SNW1: variants seen among roughly 807,000 people sequenced by gnomAD.
SNW1 encodes the protein SNW domain containing 1, also known as SNW domain-containing protein 1.
SNW1 carries 9 observed loss-of-function variants against 75.6 expected under a neutral mutation model. The ratio of observed to expected loss-of-function variants is 0.12; its 90% CI spans 0.07 to 0.21. SNW1 has a LOEUF of 0.21. Among genes scored for constraint, SNW1 ranks in the 10% least tolerant of loss-of-function variants. The pLI is 1.00. For missense variants in SNW1, 409 were observed against 670.9 expected (o/e 0.61, Z 4.31); for synonymous variants, 200 against 219.1 (o/e 0.91, Z 0.77).
intron 3 of SNW1, among the ~76,000 whole-genome samples, chr14:77,739,924 G>A (rs1430218315): frequency 1.3e-5 from 2 of 151,934 alleles, no homozygotes; most frequent in East Asian, 1.9e-4. Context: ...CATGTGGTCA[G>A]GAGATCGAAA....
chr14:77,740,710 C>G (rs2080711456), intron 3 of SNW1, among the ~76,000 whole-genome samples: 1 of 152,140 alleles, frequency 6.6e-6, no homozygotes, highest in Admixed American at 6.6e-5. Flanking sequence ...CCCACCCAAT[C>G]ATTTGCTCCA....
At chr14:77,722,721 C>CTAATTTAT (rs2080551732) in intron 11 of SNW1, 1 of 359,506 alleles carries the variant, frequency 2.8e-6, no homozygotes, top group African/African-American at 2.1e-5. Flanking sequence ...AAATTAAGTG[C>CTAATTTAT]TAATTTATTA....
intron 12 of SNW1, among the ~76,000 whole-genome samples, chr14:77,718,808 TCCAGTGATCCTCCTGCCTCCGCCTC>T (rs1336721547): frequency 5.3e-5 from 8 of 152,214 alleles, no homozygotes; most frequent in African/African-American, 1.9e-4. Context: ...GCCTCCCAGT[TCCAGTGATCCTCCTGCCTCCGCCTC>T]CCAGGTAGCT....
At chr14:77,760,698 C>G in intron 1 of SNW1, 2 of 702,378 alleles carry the variant, frequency 2.8e-6, no homozygotes, top group Non-Finnish European at 5.2e-6. Flanking sequence ...AGGAGAGAGA[C>G]CACCACAGGC....
chr14:77,732,319 G>A (rs955226263), intron 9 of SNW1, among the ~76,000 whole-genome samples, 166 bp downstream of exon 9: 4 of 152,206 alleles, frequency 2.6e-5, no homozygotes, highest in Non-Finnish European at 4.4e-5. Flanking sequence ...CAAAAGCTGG[G>A]AGCATGCAGA....
intron 1 of SNW1, among the ~76,000 whole-genome samples, chr14:77,758,047 C>T (rs1019743542): frequency 3.7e-4 from 56 of 151,074 alleles, no homozygotes; most frequent in Non-Finnish European, 5.9e-4. Flanking sequence ...ACAATTTTTC[C>T]GGCTGGGCGA....
chr14:77,733,643 GCTGAGGTGGGAGGATCGC>G (rs2080644705), intron 8 of SNW1, among the ~76,000 whole-genome samples: 2 of 149,792 alleles, frequency 1.3e-5, no homozygotes, highest in Admixed American at 1.3e-4. Flanking sequence ...TACTCGGGAG[GCTGAGGTGGGAGGATCGC>G]CTGAGCCTGG....
chr14:77,752,499 C>G lies in SNW1; in HGVS notation c.169-1019G>C, dbSNP rs115714883. 8.3e-3 allele frequency among the ~76,000 whole-genome samples: 1,269 copies of G among 152,264 alleles called. 12 individuals are homozygous for G. Among genetic ancestry groups the G allele is most frequent in the African/African-American group, 0.029 (1,212 of 41,568 alleles). On this transcript the variant is annotated intron_variant, in intron 2 of 13. Coordinates refer to ENST00000261531, the MANE Select transcript of SNW1 (RefSeq NM_012245.3). ...AACATGATTCACACATGTATTATCTCATTTAATCCTTGTAACTCTTTAACA... is the reference window on the plus strand; with the variant it reads ...AACATGATTCACACATGTATTATCTGATTTAATCCTTGTAACTCTTTAACA...
intron 1 of SNW1, 106 bp from the exon 2 acceptor site, chr14:77,755,226 T>C: frequency 9.9e-7 from 1 of 1,009,040 alleles, no homozygotes; most frequent in Non-Finnish European, 1.4e-6. Flanking sequence ...GCTTTTACTT[T>C]TCAGAAAAAG....
chr14:77,760,023 A>T (rs557704750), intron 1 of SNW1, among the ~76,000 whole-genome samples: 2 of 152,114 alleles, frequency 1.3e-5, no homozygotes, highest in African/African-American at 4.8e-5. Flanking sequence ...TCCAGCCCAC[A>T]TAACTTATTC....
intron 10 of SNW1, among the ~76,000 whole-genome samples, chr14:77,726,678 G>T (rs2080587984): frequency 6.6e-6 from 1 of 152,076 alleles, no homozygotes; most frequent in South Asian, 2.1e-4. Context: ...GCCAGGCGTG[G>T]TGGTGTGCGC....
Position 77,747,485 on chromosome 14 carries a change from C to T in SNW1, c.330+3834G>A, listed in dbSNP as rs563777022. On this transcript the variant is annotated intron_variant, in intron 3 of 13. Coordinates refer to ENST00000261531, the MANE Select transcript of SNW1 (RefSeq NM_012245.3). ...CTAGGAAGTGAGGAGCGTCTCTGCC[C>T]GGCCGCCCATCGTCTGAGATGTGGT... Among the ~76,000 whole-genome samples the T allele has an allele frequency of 5.3e-5, 8 of 150,494 alleles. No homozygotes were observed. The South Asian group carries it at 6.4e-4, about 12-fold the overall frequency.
At chr14:77,739,930 CGAAACCATACTAGCTAACATGGT>C (rs1566831779) in intron 3 of SNW1, among the ~76,000 whole-genome samples, 1 of 151,550 alleles carries the variant, frequency 6.6e-6, no homozygotes, top group East Asian at 1.9e-4. Context: ...GTCAGGAGAT[CGAAACCATACTAGCTAACATGGT>C]GAAACCCCGT....
intron 3 of SNW1, among the ~76,000 whole-genome samples, chr14:77,746,887 A>C (rs2080764158): frequency 6.6e-6 from 1 of 151,750 alleles, no homozygotes; most frequent in Non-Finnish European, 1.5e-5. Flanking sequence ...ATTTGGAATT[A>C]TAGCTCCCCC....
rs974417879 is a variant in SNW1 at position 77,734,005 on chromosome 14, A to C, written c.774+942T>G. 12 of 392,866 alleles carry C rather than the reference A, an allele frequency of 3.1e-5. 1 individual carries two copies. The highest frequency in any genetic ancestry group is 3.5e-4 in the Middle Eastern group (1 of 2,820). The allele number at this position is 392,866 out of a possible 1,614,324, so 24.3% of individuals were successfully genotyped here. A position where few individuals can be genotyped will look rare whatever the true frequency, so the allele number is the denominator to read the frequency against. On this transcript the variant is annotated intron_variant, in intron 8 of 13. Transcript: ENST00000261531. ...AGATACCATCCAGTTACAAAATACC[A>C]ATCAACTCAAATCAGACCAGTCGGC...
intron 2 of SNW1, among the ~76,000 whole-genome samples, chr14:77,753,677 C>T (rs542428042): frequency 2.6e-5 from 4 of 152,088 alleles, no homozygotes; most frequent in African/African-American, 4.8e-5. Flanking sequence ...GTGGGGCAGG[C>T]GCGGTGGCTC....
chr14:77,718,236 C>A lies in SNW1; in HGVS notation c.1463G>T (p.Arg488Leu), dbSNP rs760253627. 6.2e-7 allele frequency: 1 copy of A among 1,613,466 alleles called. No homozygotes were observed. Among genetic ancestry groups the A allele is most frequent in the African/African-American group, 1.3e-5 (1 of 75,008 alleles). ...FSGSDRRQRG[R>L]EGPVQFEEDP... The stretch of plus-strand genomic sequence containing the variant: ...TTCCTCAAACTGCACTGGTCCTTCT[C>A]GGCCTCTCTGTCTACGGTCTGAACC... The change falls in exon 14 of 14, where the codon CGA (arginine) becomes CTA (leucine). Residue 488 changes from arginine to leucine, a missense_variant. Arg to Leu is a moderately radical substitution (Grantham distance 102). Transcript: ENST00000261531.
chr14:77,737,807 C>T (rs917138577), intron 5 of SNW1, among the ~76,000 whole-genome samples: 5 of 151,780 alleles, frequency 3.3e-5, no homozygotes, highest in South Asian at 2.1e-4. Flanking sequence ...CCTTGGCCAA[C>T]GTGGTGAAAC....
chr14:77,751,188 T>C, intron 3 of SNW1, 131 bp downstream of exon 3: 1 of 864,144 alleles, frequency 1.2e-6, no homozygotes, highest in Non-Finnish European at 1.8e-6. Flanking sequence ...GCTGGGAATA[T>C]AGGTACGAGC....
Sources: allele counts gnomAD v4.1 joint callset (sites outside exome capture counted in the v4.1 genomes callset), GRCh38; gene constraint gnomAD v4.1.1; transcripts MANE v1.5; gene names NCBI Gene and HGNC (gene_info 2026-07-23, HGNC 2026-07-21).